TWSG1: variants seen among roughly 807,000 people sequenced by gnomAD.
The protein encoded by TWSG1 is twisted gastrulation BMP signaling modulator 1.
A neutral mutation model predicts 23.0 loss-of-function variants in TWSG1; 15 were observed. That is an observed-to-expected ratio of 0.65 (90% CI 0.44 to 1.00). TWSG1 has a LOEUF of 1.00. TWSG1 is among the 50% of genes least tolerant of loss of function. The pLI is 0.00. For synonymous variants in TWSG1, 86 were observed against 92.8 expected (o/e 0.93, Z 0.42); for missense variants, 242 against 278.7 (o/e 0.87, Z 0.94).
intron 2 of TWSG1, among the ~76,000 whole-genome samples, chr18:9,338,047 ACTC>A (rs1312667143): frequency 6.6e-6 from 1 of 152,124 alleles, no homozygotes; most frequent in Non-Finnish European, 1.5e-5. Context: ...CTCGTATTGA[ACTC>A]CTGATTAGCT....
rs191509941 is a variant in TWSG1 at position 9,398,754 on chromosome 18, T to C, written c.491-592T>C. Among the ~76,000 whole-genome samples, 183 of 152,286 alleles carry C rather than the reference T, an allele frequency of 1.2e-3. 2 individuals are homozygous for C. Among genetic ancestry groups the C allele is most frequent in the African/African-American group, 4.3e-3 (178 of 41,568 alleles). ...GATTACAGGCTTGAGCTACCATGCC[T>C]GGCCTGCATTTGCAGTTCTGTTTGT... On this transcript the variant is annotated intron_variant, in intron 4 of 4. Coordinates refer to ENST00000262120, the MANE Select transcript of TWSG1 (RefSeq NM_020648.6).
At chr18:9,378,092 T>A (rs1388501833) in intron 3 of TWSG1, among the ~76,000 whole-genome samples, 1 of 152,156 alleles carries the variant, frequency 6.6e-6, no homozygotes, top group Non-Finnish European at 1.5e-5. Context: ...ATTAAAAATT[T>A]CTACTCTGCA....
rs1382538492 is a variant in TWSG1 at position 9,385,668 on chromosome 18, C to A, written c.224-10612C>A. Among the ~76,000 whole-genome samples the A allele has an allele frequency of 6.1e-5, 2 of 32,858 alleles. 1 individual carries two copies. Among genetic ancestry groups the A allele is most frequent in the Non-Finnish European group, 1.2e-4 (2 of 17,170 alleles). 21.6% of individuals were successfully genotyped at this position (32,858 alleles called of 152,430 possible). ...TGCGCCACTGCAGTCCGCAGTCCGACCTGGGCGACAGAGCGAGACTCCGTC... is the reference window on the plus strand; with the variant it reads ...TGCGCCACTGCAGTCCGCAGTCCGAACTGGGCGACAGAGCGAGACTCCGTC... On this transcript the variant is annotated intron_variant, in intron 3 of 4. Transcript: ENST00000262120.
At chr18:9,388,208 A>G (rs1003477791) in intron 3 of TWSG1, 7 of 152,190 alleles carry the variant, frequency 4.6e-5, no homozygotes, top group African/African-American at 1.7e-4. Context: ...TAAGAAAATG[A>G]TTAGATTTAG....
intron 3 of TWSG1, among the ~76,000 whole-genome samples, chr18:9,395,318 G>A (rs1255738048): frequency 2.0e-5 from 3 of 152,168 alleles, no homozygotes; most frequent in Admixed American, 6.5e-5. Context: ...ATGACCTTTT[G>A]TAAGTGATTA....
At chr18:9,379,553 C>A (rs1356025322) in intron 3 of TWSG1, among the ~76,000 whole-genome samples, 1 of 152,054 alleles carries the variant, frequency 6.6e-6, no homozygotes, top group Non-Finnish European at 1.5e-5. Flanking sequence ...AGAAAAAAAA[C>A]TACTGGGTAC....
chr18:9,397,883 A>G (rs2040744302), intron 4 of TWSG1, among the ~76,000 whole-genome samples: 1 of 152,186 alleles, frequency 6.6e-6, no homozygotes, highest in South Asian at 2.1e-4. Flanking sequence ...ACATGCCTGT[A>G]ATCCCAGCTA....
intron 3 of TWSG1, among the ~76,000 whole-genome samples, chr18:9,394,697 A>T (rs1283111607): frequency 6.6e-6 from 1 of 151,260 alleles, no homozygotes; most frequent in African/African-American, 2.4e-5. Context: ...GTCAATTTAC[A>T]AAAACATTTT....
At chr18:9,377,654 T>C (rs1342319363) in intron 3 of TWSG1, among the ~76,000 whole-genome samples, 1 of 152,198 alleles carries the variant, frequency 6.6e-6, no homozygotes, top group Non-Finnish European at 1.5e-5. Context: ...AACACAATAC[T>C]GTGAAACTCC....
intron 3 of TWSG1, among the ~76,000 whole-genome samples, chr18:9,394,200 T>C (rs2040724656): frequency 6.6e-6 from 1 of 152,324 alleles, no homozygotes; most frequent in East Asian, 1.9e-4. Flanking sequence ...GTATTTATAC[T>C]CAATGGAATG....
intron 3 of TWSG1, among the ~76,000 whole-genome samples, chr18:9,389,688 T>TGAATTTATAAAAACAG (rs2040702494): frequency 6.6e-6 from 1 of 152,250 alleles, no homozygotes. Flanking sequence ...TTCTCCTCCC[T>TGAATTTATAAAAACAG]GAATTTATAA....
In TWSG1 at chr18:9,401,505, C is replaced by T. The variant is rs2040762440; in HGVS notation, c.*1978C>T. ...ATTTTAAAATGTAATATCTGTTTCC[C>T]ACCCCCTACATTAGGAGGATAATTT... On this transcript the variant is annotated 3_prime_UTR_variant, in exon 5 of 5. Coordinates refer to ENST00000262120, the MANE Select transcript of TWSG1 (RefSeq NM_020648.6). 2 of 151,988 alleles carry T rather than the reference C, an allele frequency of 1.3e-5. No homozygotes were observed. Among genetic ancestry groups the T allele is most frequent in the Non-Finnish European group, 2.9e-5 (2 of 67,998 alleles). The allele number at this position is 151,988 out of a possible 1,614,324, so 9.4% of individuals were successfully genotyped here.
rs2040677896 is a variant in TWSG1, at chr18:9,385,472, AGGTC to A, written c.224-10807_224-10804del. On this transcript the variant is annotated intron_variant, in intron 3 of 4. Transcript: ENST00000262120. ...GGGAGGCCGAGGCGGGTGGATCATG[AGGTC>A]AGGAGATCGAGACCATCCTGGCTAA... 5.2e-5 allele frequency among the ~76,000 whole-genome samples: 2 copies of A among 38,324 alleles called. 1 individual carries two copies. Among genetic ancestry groups the A allele is most frequent in the African/African-American group, 3.5e-4 (2 of 5,654 alleles). The allele number at this position is 38,324 out of a possible 152,430, so 25.1% of individuals were successfully genotyped here.
intron 2 of TWSG1, among the ~76,000 whole-genome samples, chr18:9,356,158 A>G (rs1449628162): frequency 6.6e-6 from 1 of 152,144 alleles, no homozygotes; most frequent in East Asian, 1.9e-4. Context: ...TCTCCTTACC[A>G]TAGCTTTTAA....
chr18:9,386,093 C>T (rs1014020662), intron 3 of TWSG1, among the ~76,000 whole-genome samples: 7 of 151,470 alleles, frequency 4.6e-5, no homozygotes, highest in African/African-American at 4.9e-5. Context: ...CGCTTGATCC[C>T]GGGAGGCGGA....
chr18:9,351,404 G>A (rs1263747234), intron 2 of TWSG1, among the ~76,000 whole-genome samples: 1 of 151,766 alleles, frequency 6.6e-6, no homozygotes, highest in African/African-American at 2.4e-5. Context: ...TACAACTTTT[G>A]TGTTTTACAT....
intron 3 of TWSG1, among the ~76,000 whole-genome samples, chr18:9,389,223 G>A (rs901169021): frequency 2.0e-5 from 3 of 152,180 alleles, no homozygotes; most frequent in East Asian, 3.9e-4. Flanking sequence ...TGATGTGCCC[G>A]CCTCAGCCTC....
At position 9,337,795 on chromosome 18, in the gene TWSG1, C is replaced by T. The variant is rs2040429528; in HGVS notation, c.123+443C>T. ...AAACATAGCAACTTAGTGCAATAAA[C>T]ATGTATTATTTCATGCAGTTTCTGA... On this transcript the variant is annotated intron_variant, in intron 2 of 4. Coordinates refer to ENST00000262120, the MANE Select transcript of TWSG1 (RefSeq NM_020648.6). Among the ~76,000 whole-genome samples, 2 of 152,118 alleles carry T rather than the reference C, an allele frequency of 1.3e-5. 1 individual carries two copies. Among genetic ancestry groups the T allele is most frequent in the African/African-American group, 4.8e-5 (2 of 41,414 alleles).
intron 3 of TWSG1, among the ~76,000 whole-genome samples, chr18:9,369,426 G>A (rs895277964): frequency 1.1e-4 from 17 of 151,842 alleles, no homozygotes; most frequent in African/African-American, 3.6e-4. Context: ...CCGCCACCAC[G>A]CCTGGCTAAT....
Sources: gnomAD v4.1 joint callset for allele counts (sites outside exome capture counted in the v4.1 genomes callset) on GRCh38, gnomAD v4.1.1 for gene constraint, MANE v1.5 for transcripts, NCBI Gene and HGNC (gene_info 2026-07-23, HGNC 2026-07-21) for gene names.